The following FBN2 variants were observed in gnomAD, a reference collection of about 807,000 sequenced individuals.
FBN2 encodes the protein fibrillin-2.
A neutral mutation model predicts 355.6 loss-of-function variants in FBN2; 105 were observed. The ratio of observed to expected loss-of-function variants is 0.30; its 90% confidence interval spans 0.25 to 0.35. The LOEUF is 0.35. Among genes scored for constraint, FBN2 ranks in the 10% least tolerant of loss-of-function variants. The pLI is 1.00. For synonymous variants in FBN2, 1,350 were observed against 1,301.2 expected (o/e 1.04, Z -0.81); for missense variants, 3,280 against 3,758.7 (o/e 0.87, Z 3.33).
At chr5:128,392,451 T>C (rs746135798) in intron 10 of FBN2, among the ~76,000 whole-genome samples, 3 of 152,260 alleles carry the variant, frequency 2.0e-5, no homozygotes, top group African/African-American at 4.8e-5. Context: ...TTTGTAACTC[T>C]GCTGAATATT....
intron 5 of FBN2, among the ~76,000 whole-genome samples, chr5:128,482,040 T>C (rs979476242): frequency 1.3e-5 from 2 of 152,224 alleles, no homozygotes; most frequent in African/African-American, 4.8e-5. Context: ...GAAGTCTAAA[T>C]AGCTGAGATC....
chr5:128,388,013 A>C (rs1011100344), intron 11 of FBN2, among the ~76,000 whole-genome samples: 5 of 152,210 alleles, frequency 3.3e-5, no homozygotes, highest in African/African-American at 1.2e-4. Flanking sequence ...TTGTTTTATG[A>C]ATCTGGATGC....
chr5:128,525,261 A>T (rs1248402446), intron 4 of FBN2, among the ~76,000 whole-genome samples: 1 of 152,140 alleles, frequency 6.6e-6, no homozygotes, highest in Non-Finnish European at 1.5e-5. Flanking sequence ...TTCAACAAGG[A>T]TAGATGTGTC....
At chr5:128,445,417 G>C (rs567879045) in intron 7 of FBN2, among the ~76,000 whole-genome samples, 25 of 152,200 alleles carry the variant, frequency 1.6e-4, no homozygotes, top group Non-Finnish European at 2.9e-4. Flanking sequence ...TGAAACAATG[G>C]CATATGTACC....
intron 5 of FBN2, among the ~76,000 whole-genome samples, chr5:128,473,899 A>C (rs1185350332): frequency 6.6e-6 from 1 of 152,234 alleles, no homozygotes; most frequent in Non-Finnish European, 1.5e-5. Flanking sequence ...ATTTTATTTC[A>C]ACCTAATACC....
intron 15 of FBN2, among the ~76,000 whole-genome samples, chr5:128,372,584 A>T (rs1235531735): frequency 6.6e-6 from 1 of 152,010 alleles, no homozygotes; most frequent in African/African-American, 2.4e-5. Context: ...CTCCACCTCC[A>T]GGGCTCAGGC....
intron 6 of FBN2, among the ~76,000 whole-genome samples, chr5:128,451,749 G>A (rs970089868): frequency 1.3e-5 from 2 of 152,090 alleles, no homozygotes; most frequent in African/African-American, 4.8e-5. Flanking sequence ...TTACAGTGTG[G>A]TATAAAAGAG....
intron 20 of FBN2, 85 bp downstream of exon 20, chr5:128,357,191 T>C (rs1369304010): frequency 1.3e-6 from 2 of 1,542,254 alleles, no homozygotes; most frequent in Non-Finnish European, 1.8e-6. Flanking sequence ...TGGAATCATA[T>C]TCTGTTTTTA....
intron 14 of FBN2, among the ~76,000 whole-genome samples, chr5:128,376,335 G>A (rs2126956593): frequency 6.6e-6 from 1 of 152,308 alleles, no homozygotes; most frequent in South Asian, 2.1e-4. Context: ...TGGAAAAGAT[G>A]TAATGCTAAA....
intron 42 of FBN2, 50 bp from the exon 43 acceptor site, chr5:128,305,998 T>G: frequency 6.4e-7 from 1 of 1,552,810 alleles, no homozygotes; most frequent in African/African-American, 1.4e-5. Flanking sequence ...TTTAATATAC[T>G]TACCATATAA....
Position 128,259,441 on chromosome 5 carries a change from A to C in FBN2, c.*14T>G. On this transcript the variant is annotated 3_prime_UTR_variant, in exon 65 of 65. Transcript: ENST00000262464. ...TGTGCTAGGATTTGAGCCTGGGCCC[A>C]AGTCTGTGAAGGGTTAATAGAGCTG... The C allele has an allele frequency of 6.2e-7, 1 of 1,612,684 alleles. No homozygotes were observed. The highest frequency in any genetic ancestry group is 1.1e-5 in the South Asian group (1 of 91,012).
chr5:128,402,813 C>T (rs1335739516), intron 8 of FBN2, among the ~76,000 whole-genome samples: 1 of 152,142 alleles, frequency 6.6e-6, no homozygotes, highest in Non-Finnish European at 1.5e-5. Context: ...CCTGGGCTCC[C>T]CTTGATTGAT....
At chr5:128,444,363 C>T (rs940339920) in intron 7 of FBN2, among the ~76,000 whole-genome samples, 3 of 152,128 alleles carry the variant, frequency 2.0e-5, no homozygotes, top group Admixed American at 2.0e-4. Context: ...TGAGCCACCG[C>T]GCCCGGCCCA....
intron 3 of FBN2, among the ~76,000 whole-genome samples, chr5:128,529,295 T>C (rs1756645987): frequency 6.6e-6 from 1 of 151,842 alleles, no homozygotes; most frequent in African/African-American, 2.4e-5. Context: ...AATGAAAGAC[T>C]GATGAAGACA....
At chr5:128,481,329 CA>C (rs1755180155) in intron 5 of FBN2, among the ~76,000 whole-genome samples, 1 of 152,160 alleles carries the variant, frequency 6.6e-6, no homozygotes, top group Non-Finnish European at 1.5e-5. Flanking sequence ...GACCTGGCAA[CA>C]AAAGTGCTGT....
intron 7 of FBN2, among the ~76,000 whole-genome samples, chr5:128,425,851 A>T (rs928275123): frequency 1.3e-5 from 2 of 152,190 alleles, no homozygotes; most frequent in Non-Finnish European, 2.9e-5. Context: ...TTAATCTTCA[A>T]ATTCATAGAG....
At chr5:128,411,447 C>T (rs988439656) in intron 7 of FBN2, among the ~76,000 whole-genome samples, 3 of 152,198 alleles carry the variant, frequency 2.0e-5, no homozygotes, top group African/African-American at 2.4e-5. Context: ...GGAAAGCGGA[C>T]GGAGTGGGAA....
intron 2 of FBN2, among the ~76,000 whole-genome samples, chr5:128,536,040 A>T (rs977792861): frequency 4.6e-5 from 7 of 152,192 alleles, no homozygotes; most frequent in Admixed American, 1.3e-4. Flanking sequence ...GATAATTTGC[A>T]TAATAACATG....
At chr5:128,347,584 G>C (rs1276177295) in intron 23 of FBN2, among the ~76,000 whole-genome samples, 1 of 152,138 alleles carries the variant, frequency 6.6e-6, no homozygotes, top group Non-Finnish European at 1.5e-5. Flanking sequence ...CCCTGATTCA[G>C]ATGAGGTTCT....
Sources: gnomAD v4.1 joint callset for allele counts (sites outside exome capture counted in the v4.1 genomes callset) on GRCh38, gnomAD v4.1.1 for gene constraint, MANE v1.5 for transcripts, NCBI Gene and HGNC (gene_info 2026-07-23, HGNC 2026-07-21) for gene names.